UTP6: variants seen among roughly 807,000 people sequenced by gnomAD.
The protein encoded by UTP6 is U3 small nucleolar RNA-associated protein 6 homolog.
UTP6 carries 60 observed loss-of-function variants against 96.5 expected under a neutral mutation model. The ratio of observed to expected loss-of-function variants is 0.62; its 90% CI spans 0.51 to 0.77. UTP6 has a LOEUF of 0.77. Ranked by LOEUF, UTP6 falls within the 30% of genes least tolerant of loss-of-function variation. The probability of loss-of-function intolerance (pLI) is 0.00; values close to 1 mark genes in which losing one functional copy is unlikely to be tolerated. For synonymous variants in UTP6, 215 were observed against 240.1 expected (o/e 0.90, Z 0.96); for missense variants, 637 against 706.5 (o/e 0.90, Z 1.12).
At chr17:31,867,983 C>A in intron 17 of UTP6, 63 bp downstream of exon 17, 2 of 1,541,530 alleles carry the variant, frequency 1.3e-6, no homozygotes, top group South Asian at 1.2e-5. Context: ...AAAAAACAGT[C>A]TGATAGATTA....
At chr17:31,888,131 G>A (rs373843615) in intron 7 of UTP6, 9 of 151,816 alleles carry the variant, frequency 5.9e-5, no homozygotes, top group South Asian at 2.1e-4. Flanking sequence ...GTAAGTCCCC[G>A]AAGAGAGAAA....
chr17:31,895,453 T>A (rs1426413830), intron 2 of UTP6, among the ~76,000 whole-genome samples: 1 of 152,176 alleles, frequency 6.6e-6, no homozygotes, highest in East Asian at 1.9e-4. Flanking sequence ...AAACATGACT[T>A]TGGACTTTAT....
At position 31,869,374 on chromosome 17, in the gene UTP6, C is replaced by A. The variant is rs1031346518; in HGVS notation, c.1497-1262G>T. 2.6e-5 allele frequency among the ~76,000 whole-genome samples: 4 copies of A among 152,154 alleles called. No individual in the cohort carries two copies. The East Asian group carries it at 7.7e-4, about 29-fold the overall frequency. On this transcript the variant is annotated intron_variant, in intron 16 of 18. Coordinates refer to ENST00000261708, the MANE Select transcript of UTP6 (RefSeq NM_018428.3). ...GTAGAGAAAGGGTCTCGCTATGTTG[C>A]TCAGGCTGGTCTTCAACTCCTGGGC...
intron 16 of UTP6, among the ~76,000 whole-genome samples, chr17:31,869,895 T>C (rs1234624565): frequency 2.0e-5 from 3 of 152,172 alleles, no homozygotes; most frequent in Non-Finnish European, 4.4e-5. Flanking sequence ...ACCCAATGTT[T>C]AGCTATAATT....
At chr17:31,876,541 G>A (rs979801262) in intron 13 of UTP6, among the ~76,000 whole-genome samples, 1 of 151,914 alleles carries the variant, frequency 6.6e-6, no homozygotes, top group Non-Finnish European at 1.5e-5. Context: ...CTACTCGGGA[G>A]GCTGAGTCAG....
chr17:31,869,408 T>A (rs377690070), intron 16 of UTP6, among the ~76,000 whole-genome samples: 60 of 152,206 alleles, frequency 3.9e-4, no homozygotes, highest in African/African-American at 1.4e-3. Flanking sequence ...GCCCAAGCAA[T>A]CCTCCCACCT....
intron 18 of UTP6, among the ~76,000 whole-genome samples, chr17:31,864,923 T>C (rs1035025828): frequency 2.0e-5 from 3 of 152,030 alleles, no homozygotes; most frequent in African/African-American, 7.2e-5. Context: ...AATGATAGTA[T>C]ACACAAAGCA....
chr17:31,868,252 C>G, intron 16 of UTP6, 140 bp from the exon 17 acceptor site: 1 of 598,302 alleles, frequency 1.7e-6, no homozygotes. Context: ...AGGACTTGAC[C>G]TGATGGCCAG....
intron 2 of UTP6, 32 bp downstream of exon 2, chr17:31,899,614 A>G (rs769336742): frequency 1.3e-6 from 2 of 1,534,528 alleles, no homozygotes; most frequent in Admixed American, 2.1e-5. Flanking sequence ...CAAAAAAGAA[A>G]AAAAGAAAGA....
chr17:31,881,291 C>A (rs75122780), intron 10 of UTP6, among the ~76,000 whole-genome samples: 1 of 144,722 alleles, frequency 6.9e-6, no homozygotes. Flanking sequence ...TTTTTTGAGC[C>A]AGAATCTCAT....
chr17:31,890,012 C>A (rs543378713), intron 6 of UTP6, among the ~76,000 whole-genome samples: 2 of 151,996 alleles, frequency 1.3e-5, no homozygotes, highest in Non-Finnish European at 2.9e-5. Flanking sequence ...AAGTCACATA[C>A]AATTTTTTTC....
At chr17:31,872,122 G>A (rs1910207753) in intron 16 of UTP6, among the ~76,000 whole-genome samples, 1 of 150,898 alleles carries the variant, frequency 6.6e-6, no homozygotes, top group Non-Finnish European at 1.5e-5. Context: ...TTGAACCCGG[G>A]AGGCAGAAGT....
chr17:31,895,888 G>A (rs985916006), intron 2 of UTP6, among the ~76,000 whole-genome samples: 34 of 151,452 alleles, frequency 2.2e-4, no homozygotes, highest in Non-Finnish European at 4.4e-4. Flanking sequence ...CCTATTCACC[G>A]AGGCTGGTGG....
rs546702793 is a variant in UTP6, at chr17:31,864,369, A to G, written c.1637-853T>C. On this transcript the variant is annotated intron_variant, in intron 18 of 18. Transcript: ENST00000261708. ...GCCACTGCACTCCAGCCTGGGTGAC[A>G]GAGTGAGACTCTGTCTCAAAACAAA... Among the ~76,000 whole-genome samples, 14 of 152,308 alleles carry G rather than the reference A, an allele frequency of 9.2e-5. 1 individual carries two copies. The South Asian group carries it at 1.4e-3, about 16-fold the overall frequency.
chr17:31,873,232 C>A, intron 16 of UTP6, 146 bp downstream of exon 16: 1 of 694,216 alleles, frequency 1.4e-6, no homozygotes, highest in Non-Finnish European at 2.3e-6. Context: ...CCAGCCTGGG[C>A]AACAGAGCAA....
rs1910783524 is a variant in UTP6, at chr17:31,880,736, T to G, written c.804A>C (p.Thr268=). 1 of 1,614,148 alleles carries G rather than the reference T, an allele frequency of 6.2e-7. No homozygotes were observed. Residue 268 remains threonine, a synonymous_variant, in exon 11 of 19, where the codon ACA becomes ACC. Transcript: ENST00000261708. The part of the protein sequence containing the change: ...EIYDDLQALH[T]DDPLTWDYVA... ...CATAATCCCAAGTGAGAGGATCATC[T>G]GTGTGTAGAGCCTGAAGGCTGAAAA... is the stretch of plus-strand genomic sequence containing the variant.
At chr17:31,891,527 C>G (rs544784456) in intron 6 of UTP6, among the ~76,000 whole-genome samples, 1 of 152,096 alleles carries the variant, frequency 6.6e-6, no homozygotes, top group Non-Finnish European at 1.5e-5. Context: ...TGAGGCCCCT[C>G]CACTATCAAC....
At position 31,862,436 on chromosome 17, in the gene UTP6, A is replaced by C. The variant is rs1051344952; in HGVS notation, c.*923T>G. ...CAATACTAAGTGAAACGTAACAATA[A>C]GCTACACTGAAAGCTTCTCCCAGTG... On this transcript the variant is annotated 3_prime_UTR_variant, in exon 19 of 19. Coordinates refer to ENST00000261708, the MANE Select transcript of UTP6 (RefSeq NM_018428.3). 3.9e-5 allele frequency: 6 copies of C among 152,372 alleles called. No homozygotes were observed. Among genetic ancestry groups the C allele is most frequent in the Admixed American group, 6.5e-5 (1 of 15,294 alleles). 9.4% of individuals were successfully genotyped at this position (152,372 alleles called of 1,614,324 possible).
chr17:31,881,647 C>T (rs1910850382), intron 10 of UTP6, among the ~76,000 whole-genome samples: 1 of 152,086 alleles, frequency 6.6e-6, no homozygotes, highest in African/African-American at 2.4e-5. Flanking sequence ...AGTTAGCTCT[C>T]AAAGTCAAAT....
Sources: gnomAD v4.1 joint callset for allele counts (sites outside exome capture counted in the v4.1 genomes callset) on GRCh38, gnomAD v4.1.1 for gene constraint, MANE v1.5 for transcripts, NCBI Gene and HGNC (gene_info 2026-07-23, HGNC 2026-07-21) for gene names.